TMC1: variants seen among roughly 807,000 people sequenced by gnomAD.
TMC1 encodes the protein transmembrane channel-like protein 1.
In TMC1, 84 loss-of-function variants were observed where a neutral mutation model predicts 105.8. The ratio of observed to expected loss-of-function variants is 0.79; its 90% CI spans 0.67 to 0.95. The LOEUF is 0.95. Ranked by LOEUF, TMC1 falls within the 40% of genes least tolerant of loss-of-function variation. The probability of loss-of-function intolerance (pLI) is 0.00; values close to 1 mark genes in which losing one functional copy is unlikely to be tolerated. For synonymous variants in TMC1, 315 were observed against 311.5 expected (o/e 1.01, Z -0.12); for missense variants, 817 against 914.1 (o/e 0.89, Z 1.37).
chr9:72,544,970 T>C (rs955031106), intron 1 of TMC1, among the ~76,000 whole-genome samples: 26 of 152,196 alleles, frequency 1.7e-4, no homozygotes, highest in Admixed American at 1.7e-3. Context: ...CCAAAGTTCA[T>C]TGTATCATTC....
intron 8 of TMC1, among the ~76,000 whole-genome samples, chr9:72,736,306 T>A (rs1434491611): frequency 2.6e-5 from 4 of 152,238 alleles, no homozygotes; most frequent in African/African-American, 9.6e-5. Context: ...AGACAGGGTT[T>A]TATATTATTA....
intron 5 of TMC1, among the ~76,000 whole-genome samples, chr9:72,650,923 T>A (rs1433723978): frequency 7.0e-6 from 1 of 143,020 alleles, no homozygotes; most frequent in Non-Finnish European, 1.5e-5. Flanking sequence ...GATATATATA[T>A]AAATATATAT....
Position 72,606,959 on chromosome 9 carries a change from G to GTATGTATT in TMC1, c.-305-9402_-305-9401insTTATGTAT, listed in dbSNP as rs1310135425. Among the ~76,000 whole-genome samples the GTATGTATT allele has an allele frequency of 4.2e-5, 6 of 142,430 alleles. No homozygotes were observed. In the Admixed American group the frequency reaches 4.3e-4, roughly 10 times the overall value. The allele number at this position is 142,430 out of a possible 152,430, so 93.4% of individuals were successfully genotyped here. ...AGTAGGTTTATATATATGTATGTAT[G>GTATGTATT]TATGTATGTATGTGTGTGTGTGCAT... is the stretch of plus-strand genomic sequence containing the variant. On this transcript the variant is annotated intron_variant, in intron 2 of 23. Transcript: ENST00000297784.
At chr9:72,777,713 A>T (rs963175516) in intron 13 of TMC1, among the ~76,000 whole-genome samples, 1 of 152,236 alleles carries the variant, frequency 6.6e-6, no homozygotes, top group African/African-American at 2.4e-5. Context: ...AGCATGGACT[A>T]ATAAGGATAG....
At chr9:72,739,829 A>G (rs890003679) in intron 8 of TMC1, among the ~76,000 whole-genome samples, 2 of 152,252 alleles carry the variant, frequency 1.3e-5, no homozygotes, top group African/African-American at 4.8e-5. Context: ...CACTTGATAG[A>G]AATGAAAAGA....
intron 2 of TMC1, among the ~76,000 whole-genome samples, chr9:72,615,993 C>CG (rs1554715784): frequency 6.6e-6 from 1 of 152,112 alleles, no homozygotes; most frequent in Non-Finnish European, 1.5e-5. Flanking sequence ...GGTGATTCCT[C>CG]GGCCCTAGCC....
chr9:72,655,666 C>T (rs938855190), intron 5 of TMC1, among the ~76,000 whole-genome samples: 2 of 151,826 alleles, frequency 1.3e-5, no homozygotes, highest in Non-Finnish European at 2.9e-5. Flanking sequence ...GGCTTGAACC[C>T]GGGAGGGGGA....
intron 10 of TMC1, among the ~76,000 whole-genome samples, chr9:72,747,462 CCAG>C (rs1169189890): frequency 1.7e-4 from 26 of 152,158 alleles, no homozygotes; most frequent in Admixed American, 7.2e-4. Context: ...TAATAAACAA[CCAG>C]AAAGAGAGTT....
intron 13 of TMC1, among the ~76,000 whole-genome samples, chr9:72,783,599 G>T (rs568060369): frequency 4.6e-5 from 7 of 152,138 alleles, no homozygotes; most frequent in African/African-American, 1.7e-4. Context: ...GTCTCCTCTG[G>T]CAACACCTTC....
At chr9:72,750,279 A>T (rs1216836730) in intron 10 of TMC1, among the ~76,000 whole-genome samples, 2 of 152,228 alleles carry the variant, frequency 1.3e-5, no homozygotes, top group Non-Finnish European at 2.9e-5. Flanking sequence ...GGCTCCAGAA[A>T]ATCATTGGTC....
intron 13 of TMC1, among the ~76,000 whole-genome samples, chr9:72,786,271 C>T (rs1334402424): frequency 3.3e-5 from 5 of 152,050 alleles, no homozygotes; most frequent in African/African-American, 9.7e-5. Flanking sequence ...GGTGAAACCT[C>T]GTCTCTACTA....
intron 8 of TMC1, among the ~76,000 whole-genome samples, chr9:72,719,133 G>A (rs1826972129): frequency 6.6e-6 from 1 of 152,178 alleles, no homozygotes; most frequent in Non-Finnish European, 1.5e-5. Context: ...TCCTGGTTGA[G>A]AAAGCAAGCG....
chr9:72,672,201 A>AT (rs1195664956), intron 5 of TMC1, among the ~76,000 whole-genome samples: 1 of 152,166 alleles, frequency 6.6e-6, no homozygotes, highest in Non-Finnish European at 1.5e-5. Flanking sequence ...TTGTGTTCAT[A>AT]TATCAGTTAT....
At chr9:72,585,185 C>T (rs1454044035) in intron 2 of TMC1, among the ~76,000 whole-genome samples, 2 of 127,774 alleles carry the variant, frequency 1.6e-5, no homozygotes, top group African/African-American at 3.0e-5. Flanking sequence ...GAGTCTTGCT[C>T]TGTCGCCCAG....
At chr9:72,579,064 T>C (rs1481545196) in intron 2 of TMC1, among the ~76,000 whole-genome samples, 1 of 152,250 alleles carries the variant, frequency 6.6e-6, no homozygotes, top group Non-Finnish European at 1.5e-5. Context: ...CTTGTCTACT[T>C]TGAAAAATCA....
At chr9:72,567,152 A>G (rs947720962) in intron 1 of TMC1, among the ~76,000 whole-genome samples, 2 of 152,104 alleles carry the variant, frequency 1.3e-5, no homozygotes, top group Non-Finnish European at 2.9e-5. Flanking sequence ...CAGAGATGTC[A>G]TTTCCCCTGG....
rs548492009 is a variant in TMC1 at position 72,686,297 on chromosome 9, G to T, written c.17-2412G>T. On this transcript the variant is annotated intron_variant, in intron 5 of 23. Coordinates refer to ENST00000297784, the MANE Select transcript of TMC1 (RefSeq NM_138691.3). Reference sequence around the variant, plus strand: ...CAGCTGAGGCATGAAGAGATCATACGATTGGGAATAAGGTACTAGGGACTG... The same window carrying T: ...CAGCTGAGGCATGAAGAGATCATACTATTGGGAATAAGGTACTAGGGACTG... Among the ~76,000 whole-genome samples, 5 of 152,264 alleles carry T rather than the reference G, an allele frequency of 3.3e-5. No individual in the cohort carries two copies. In the South Asian group the frequency reaches 1.0e-3, roughly 32 times the overall value.
At chr9:72,747,472 A>C (rs1827507962) in intron 10 of TMC1, among the ~76,000 whole-genome samples, 1 of 152,246 alleles carries the variant, frequency 6.6e-6, no homozygotes, top group African/African-American at 2.4e-5. Flanking sequence ...CCAGAAAGAG[A>C]GTTGAAATTT....
intron 1 of TMC1, among the ~76,000 whole-genome samples, chr9:72,570,077 T>C (rs1345140953): frequency 6.6e-6 from 1 of 152,126 alleles, no homozygotes; most frequent in Non-Finnish European, 1.5e-5. Flanking sequence ...TAATGAGCCC[T>C]TTTTTAGATC....
Sources: allele counts gnomAD v4.1 joint callset (sites outside exome capture counted in the v4.1 genomes callset), GRCh38; gene constraint gnomAD v4.1.1; transcripts MANE v1.5; gene names NCBI Gene and HGNC (gene_info 2026-07-23, HGNC 2026-07-21).